Variants in MYO18B observed in about 807,000 individuals in gnomAD.
The protein encoded by MYO18B is myosin XVIIIB, also known as unconventional myosin-XVIIIb.
In MYO18B, 204 loss-of-function variants were observed where a neutral mutation model predicts 273.0. The ratio of observed to expected loss-of-function variants is 0.75; its 90% CI spans 0.67 to 0.84. The LOEUF (loss-of-function observed/expected upper bound fraction) is 0.84, where lower values mean the gene tolerates loss of function less well. MYO18B is among the 40% of genes least tolerant of loss of function. The pLI is 0.00. For synonymous variants in MYO18B, 1,330 were observed against 1,305.7 expected (o/e 1.02, Z -0.40); for missense variants, 3,212 against 3,287.6 (o/e 0.98, Z 0.56).
At chr22:26,014,703 C>T (rs904408893) in intron 42 of MYO18B, among the ~76,000 whole-genome samples, 1 of 152,182 alleles carries the variant, frequency 6.6e-6, no homozygotes, top group Non-Finnish European at 1.5e-5. Flanking sequence ...TCGTTTTTCT[C>T]TGCAACCTCA....
chr22:25,792,662 T>C (rs1204321961), intron 11 of MYO18B, among the ~76,000 whole-genome samples: 1 of 151,904 alleles, frequency 6.6e-6, no homozygotes, highest in East Asian at 1.9e-4. Flanking sequence ...GCCCAGCTAA[T>C]TTTTTTATTT....
At chr22:25,769,453 C>T (rs1167895480) in intron 4 of MYO18B, 25 bp downstream of exon 4, 8 of 1,482,686 alleles carry the variant, frequency 5.4e-6, no homozygotes, top group East Asian at 2.5e-5. Flanking sequence ...GCCCTGGGAG[C>T]GGGAAGCGGC....
chr22:25,797,812 C>T, intron 11 of MYO18B, 141 bp from the exon 12 acceptor site: 2 of 1,210,366 alleles, frequency 1.7e-6, no homozygotes, highest in Non-Finnish European at 2.4e-6. Context: ...GTCAGTACTC[C>T]TCAGCTTAAT....
the MYO18B span, among the ~76,000 whole-genome samples, chr22:26,047,373 A>G: frequency 6.6e-6 from 1 of 151,940 alleles, no homozygotes; most frequent in Non-Finnish European, 1.5e-5. Flanking sequence ...TGATCCACCC[A>G]CCTTGGCCTC....
At chr22:25,819,104 C>A (rs527710042) in intron 12 of MYO18B, among the ~76,000 whole-genome samples, 27 of 152,172 alleles carry the variant, frequency 1.8e-4, no homozygotes, top group Non-Finnish European at 4.0e-4. Flanking sequence ...ATAGAAGAAT[C>A]CATGGGATTG....
At chr22:25,809,558 G>T (rs1288186230) in intron 12 of MYO18B, among the ~76,000 whole-genome samples, 1 of 152,158 alleles carries the variant, frequency 6.6e-6, no homozygotes, top group Admixed American at 6.5e-5. Context: ...TCCCAGCGAG[G>T]TGCCCCATGA....
At chr22:25,904,227 T>C (rs192368645) in intron 31 of MYO18B, among the ~76,000 whole-genome samples, 1 of 152,354 alleles carries the variant, frequency 6.6e-6, no homozygotes, top group East Asian at 1.9e-4. Flanking sequence ...TTTTTCTCTT[T>C]CTCTTGCTTC....
At chr22:25,921,848 G>A (rs973106263) in intron 34 of MYO18B, among the ~76,000 whole-genome samples, 2 of 139,192 alleles carry the variant, frequency 1.4e-5, no homozygotes, top group South Asian at 2.3e-4. Flanking sequence ...GTGTGTGTGT[G>A]TGTGTGTGGT....
intron 9 of MYO18B, among the ~76,000 whole-genome samples, chr22:25,780,915 C>T (rs1265291015): frequency 1.3e-5 from 2 of 152,192 alleles, no homozygotes; most frequent in Non-Finnish European, 2.9e-5. Context: ...TTGTTCCTAT[C>T]TCCAAAATCA....
intron 12 of MYO18B, among the ~76,000 whole-genome samples, chr22:25,820,268 G>A (rs1227434728): frequency 1.3e-5 from 2 of 151,872 alleles, no homozygotes; most frequent in Admixed American, 1.3e-4. Context: ...ACATTAGGAG[G>A]ATGTCAGTAA....
At chr22:25,945,594 C>G (rs558571353) in intron 34 of MYO18B, among the ~76,000 whole-genome samples, 1 of 152,044 alleles carries the variant, frequency 6.6e-6, no homozygotes, top group South Asian at 2.1e-4. Context: ...GACATGAGGG[C>G]CGCCTGTATA....
At chr22:26,058,513 A>C in the MYO18B span, among the ~76,000 whole-genome samples, 1 of 152,172 alleles carries the variant, frequency 6.6e-6, no homozygotes, top group Non-Finnish European at 1.5e-5. Flanking sequence ...AATAGTTTGA[A>C]TGTTTGTCTC....
chr22:25,774,691 C>G (rs1199350059), intron 7 of MYO18B, among the ~76,000 whole-genome samples: 1 of 152,226 alleles, frequency 6.6e-6, no homozygotes, highest in East Asian at 1.9e-4. Flanking sequence ...AAATGGCCAC[C>G]AGGTGGGAGC....
chr22:25,916,106 T>A (rs1342598861), intron 33 of MYO18B, among the ~76,000 whole-genome samples: 2 of 152,246 alleles, frequency 1.3e-5, no homozygotes, highest in African/African-American at 2.4e-5. Context: ...TTATTTCATC[T>A]AATTTTTCAA....
intron 10 of MYO18B, 83 bp downstream of exon 10, chr22:25,781,917 GC>G: frequency 1.0e-6 from 1 of 954,052 alleles, no homozygotes; most frequent in Non-Finnish European, 1.4e-6. Context: ...CTTAGCTTCT[GC>G]CCAGCACTGA....
chr22:25,981,688 T>G (rs1376578812), intron 39 of MYO18B, among the ~76,000 whole-genome samples: 1 of 152,196 alleles, frequency 6.6e-6, no homozygotes, highest in Non-Finnish European at 1.5e-5. Flanking sequence ...GTGGCTGCAG[T>G]GAGCCATCAT....
In MYO18B at chr22:25,847,771, T is replaced by C. The variant is rs1434940497; in HGVS notation, c.3775+119T>C. On this transcript the variant is annotated intron_variant, in intron 20 of 43. Coordinates refer to ENST00000335473, the MANE Select transcript of MYO18B (RefSeq NM_032608.7). ...GCTAGGAGCTTCACACCCAGCATCCTGGTTACTCTTCCCAGCAGTCTTCTG... is the reference window on the plus strand; with the variant it reads ...GCTAGGAGCTTCACACCCAGCATCCCGGTTACTCTTCCCAGCAGTCTTCTG... 2.3e-5 allele frequency: 16 copies of C among 707,442 alleles called. No individual in the cohort carries two copies. The East Asian group carries it at 4.3e-4, about 19-fold the overall frequency. 43.8% of individuals were successfully genotyped at this position (707,442 alleles called of 1,614,324 possible). A position where few individuals can be genotyped will look rare whatever the true frequency, so the allele number is the denominator to read the frequency against.
intron 39 of MYO18B, among the ~76,000 whole-genome samples, chr22:25,963,646 A>T (rs1221953152): frequency 1.3e-5 from 2 of 150,938 alleles, no homozygotes; most frequent in African/African-American, 4.9e-5. Context: ...GGGGGACGCT[A>T]TTTAACCCAC....
intron 39 of MYO18B, among the ~76,000 whole-genome samples, chr22:25,989,510 T>C (rs1370472633): frequency 2.7e-5 from 4 of 150,576 alleles, no homozygotes; most frequent in Non-Finnish European, 1.5e-5. Context: ...TGGCCGGGCG[T>C]GGTGGCTCAC....
Sources: gnomAD v4.1 joint callset for allele counts (sites outside exome capture counted in the v4.1 genomes callset) on GRCh38, gnomAD v4.1.1 for gene constraint, MANE v1.5 for transcripts, NCBI Gene and HGNC (gene_info 2026-07-23, HGNC 2026-07-21) for gene names.